The following KAZN variants were observed in gnomAD, a reference collection of about 807,000 sequenced individuals.
KAZN encodes kazrin.
KAZN carries 40 observed loss-of-function variants against 87.4 expected under a neutral mutation model. The observed-to-expected ratio is 0.46, with a 90% CI of 0.36 to 0.60. The LOEUF is 0.60. Among genes scored for constraint, KAZN ranks in the 20% least tolerant of loss-of-function variants. The pLI is 0.00. For missense variants in KAZN, 898 were observed against 1,073.9 expected, an observed-to-expected ratio of 0.84 and a Z score of 2.29; for synonymous variants, 466 against 458.3, an observed-to-expected ratio of 1.02 and a Z score of -0.22.
At chr1:14,833,288 C>A (rs748384948) in intron 1 of KAZN, among the ~76,000 whole-genome samples, 2 of 151,800 alleles carry the variant, frequency 1.3e-5, no homozygotes, top group Non-Finnish European at 2.9e-5. Flanking sequence ...TGTCCATGCC[C>A]CCCCACTGTC....
At position 14,799,858 on chromosome 1, in the gene KAZN, C is replaced by G. The variant is rs140419327; in HGVS notation, c.227-160826C>G. Among the ~76,000 whole-genome samples, 200 of 152,270 alleles carry G rather than the reference C, an allele frequency of 1.3e-3. 1 individual carries two copies. Among genetic ancestry groups the G allele is most frequent in the African/African-American group, 4.6e-3 (193 of 41,562 alleles). The stretch of plus-strand genomic sequence containing the variant: ...ATTTTATAGGAAGCCTTGGAGACCC[C>G]CATCAGAATTCCTCTCCTTGAGTTC... On this transcript the variant is annotated intron_variant, in intron 1 of 14. Transcript: ENST00000376030.
intron 2 of KAZN, among the ~76,000 whole-genome samples, chr1:14,998,950 T>C (rs1268067341): frequency 6.6e-6 from 1 of 152,224 alleles, no homozygotes; most frequent in Non-Finnish European, 1.5e-5. Context: ...CTCAAGGACA[T>C]GCACTGCCAG....
chr1:14,005,513 A>G lies in KAZN; in HGVS notation c.91+111757A>G, dbSNP rs78894808. 5.8e-3 allele frequency among the ~76,000 whole-genome samples: 876 copies of G among 152,306 alleles called. 10 individuals are homozygous for G. Among genetic ancestry groups the G allele is most frequent in the African/African-American group, 0.02 (839 of 41,568 alleles). On this transcript the variant is annotated intron_variant, in intron 1 of 16. Coordinates refer to the KAZN transcript ENST00000636203. ...CACTTGGAGTTGAGGTTCTAGAGAT[A>G]TACAAGTAGACTCATGGTGTAGACA...
At chr1:14,982,740 G>T (rs1666387238) in intron 2 of KAZN, among the ~76,000 whole-genome samples, 1 of 152,164 alleles carries the variant, frequency 6.6e-6, no homozygotes, top group Non-Finnish European at 1.5e-5. Flanking sequence ...CTGAGATCTT[G>T]AAAGGGATCC....
chr1:14,983,828 A>G (rs560792878), intron 2 of KAZN, among the ~76,000 whole-genome samples: 12 of 152,050 alleles, frequency 7.9e-5, no homozygotes, highest in Middle Eastern at 6.8e-3. Flanking sequence ...TGTAATCCCA[A>G]CTACTCAGGA....
intron 1 of KAZN, among the ~76,000 whole-genome samples, chr1:14,134,781 C>G (rs1271559708): frequency 6.6e-6 from 1 of 152,156 alleles, no homozygotes; most frequent in Non-Finnish European, 1.5e-5. Flanking sequence ...CACCTCCTCC[C>G]CATTTTTCTC....
At chr1:14,250,693 C>A (rs1016510868) in intron 2 of KAZN, among the ~76,000 whole-genome samples, 12 of 151,846 alleles carry the variant, frequency 7.9e-5, no homozygotes, top group Admixed American at 4.6e-4. Flanking sequence ...ATGATTAGCA[C>A]AAGATCCATG....
chr1:14,504,526 G>A (rs933483332), intron 2 of KAZN, among the ~76,000 whole-genome samples: 1 of 152,190 alleles, frequency 6.6e-6, no homozygotes, highest in African/African-American at 2.4e-5. Flanking sequence ...AGGAGAAGGT[G>A]CAACACGGAG....
intron 1 of KAZN, among the ~76,000 whole-genome samples, chr1:14,628,158 C>A (rs990669000): frequency 2.0e-5 from 3 of 152,222 alleles, no homozygotes; most frequent in African/African-American, 7.2e-5. Context: ...TACACCTGAT[C>A]TGGTCCTGGG....
At chr1:14,627,289 G>A (rs982307330) in intron 1 of KAZN, among the ~76,000 whole-genome samples, 22 of 152,166 alleles carry the variant, frequency 1.4e-4, no homozygotes, top group African/African-American at 3.1e-4. Context: ...AGAGGCCCAT[G>A]AGGCTGCAGC....
chr1:14,335,296 G>C (rs1657171803), intron 2 of KAZN, among the ~76,000 whole-genome samples: 1 of 150,876 alleles, frequency 6.6e-6, no homozygotes, highest in Non-Finnish European at 1.5e-5. Flanking sequence ...TCCACCTCCT[G>C]AGTTGAAGTG....
intron 2 of KAZN, among the ~76,000 whole-genome samples, chr1:14,291,464 G>T (rs903846933): frequency 6.6e-6 from 1 of 152,200 alleles, no homozygotes; most frequent in Non-Finnish European, 1.5e-5. Flanking sequence ...AGTGAGCAAG[G>T]CTCCATAGGC....
In KAZN at chr1:14,898,153, C is replaced by G. The variant is rs147474605; in HGVS notation, c.227-62531C>G. Among the ~76,000 whole-genome samples, 15 of 152,314 alleles carry G rather than the reference C, an allele frequency of 9.8e-5. No individual in the cohort carries two copies. The East Asian group carries it at 2.7e-3, about 27-fold the overall frequency. ...AGAATCCATTATCCAGATGAACCAACTTCTCAGCTCCTTTCCCCAAGGTTC... is the reference window on the plus strand; with the variant it reads ...AGAATCCATTATCCAGATGAACCAAGTTCTCAGCTCCTTTCCCCAAGGTTC... On this transcript the variant is annotated intron_variant, in intron 1 of 14. Coordinates refer to ENST00000376030, the MANE Select transcript of KAZN (RefSeq NM_201628.3).
intron 1 of KAZN, among the ~76,000 whole-genome samples, chr1:13,908,752 C>G (rs1639538979): frequency 6.6e-6 from 1 of 152,202 alleles, no homozygotes; most frequent in Admixed American, 6.5e-5. Flanking sequence ...TCATAAACTT[C>G]TCAAGTGGTG....
chr1:15,022,132 C>T (rs1381972219), intron 2 of KAZN, among the ~76,000 whole-genome samples: 1 of 152,156 alleles, frequency 6.6e-6, no homozygotes, highest in African/African-American at 2.4e-5. Flanking sequence ...ACAGCCAAGC[C>T]TCATGCATCC....
At chr1:14,132,278 A>T (rs1645007580) in intron 1 of KAZN, among the ~76,000 whole-genome samples, 1 of 152,056 alleles carries the variant, frequency 6.6e-6, no homozygotes. Flanking sequence ...TTCAGATGGG[A>T]TGTGCTAGGG....
chr1:14,624,984 GT>G (rs938419833), intron 1 of KAZN, among the ~76,000 whole-genome samples: 32 of 152,044 alleles, frequency 2.1e-4, no homozygotes, highest in Admixed American at 7.9e-4. Flanking sequence ...GTGATGTCTG[GT>G]TTTTAAAATT....
intron 1 of KAZN, among the ~76,000 whole-genome samples, chr1:14,953,709 C>T (rs1313981388): frequency 3.3e-5 from 5 of 152,084 alleles, no homozygotes; most frequent in African/African-American, 1.2e-4. Flanking sequence ...GCTGGATTTA[C>T]AAACCTACGA....
intron 2 of KAZN, among the ~76,000 whole-genome samples, chr1:14,556,858 A>G (rs1340408009): frequency 6.6e-6 from 1 of 152,180 alleles, no homozygotes; most frequent in Non-Finnish European, 1.5e-5. Context: ...TTAGTGCCCA[A>G]CTTTAAATAT....
Sources: gnomAD v4.1 joint callset for allele counts (sites outside exome capture counted in the v4.1 genomes callset) on GRCh38, gnomAD v4.1.1 for gene constraint, MANE v1.5 for transcripts, NCBI Gene and HGNC (gene_info 2026-07-23, HGNC 2026-07-21) for gene names.